MBOAT2: variants seen among roughly 807,000 people sequenced by gnomAD.
MBOAT2 encodes the protein membrane bound glycerophospholipid O-acyltransferase 2, also known as membrane-bound glycerophospholipid O-acyltransferase 2.
Under a neutral mutation model 63.4 loss-of-function variants are expected in MBOAT2, and 28 were observed. The observed-to-expected ratio is 0.44, with a 90% confidence interval of 0.33 to 0.61. The LOEUF (loss-of-function observed/expected upper bound fraction) is 0.61. Among genes scored for constraint, MBOAT2 ranks in the 20% least tolerant of loss-of-function variants. The probability of loss-of-function intolerance (pLI) is 0.03; values close to 1 mark genes in which losing one functional copy is unlikely to be tolerated. For missense variants in MBOAT2, 470 were observed against 605.8 expected (o/e 0.78, Z 2.35); for synonymous variants, 211 against 215.6 (o/e 0.98, Z 0.19).
intron 4 of MBOAT2, among the ~76,000 whole-genome samples, chr2:8,888,902 C>T (rs1663769265): frequency 6.6e-6 from 1 of 152,112 alleles, no homozygotes; most frequent in African/African-American, 2.4e-5. Flanking sequence ...AATAAAACCA[C>T]CAGGAAGGCT....
intron 3 of MBOAT2, among the ~76,000 whole-genome samples, chr2:8,937,055 T>C (rs1472937666): frequency 6.6e-6 from 1 of 152,202 alleles, no homozygotes; most frequent in Non-Finnish European, 1.5e-5. Flanking sequence ...TGTTCGGCCC[T>C]TCCCTCATTT....
At chr2:8,937,446 A>G (rs1268518609) in intron 3 of MBOAT2, among the ~76,000 whole-genome samples, 2 of 152,246 alleles carry the variant, frequency 1.3e-5, no homozygotes, top group Non-Finnish European at 2.9e-5. Context: ...GTCAATGAGG[A>G]CGAAACACAC....
chr2:8,987,070 C>A (rs1671621151), intron 1 of MBOAT2, among the ~76,000 whole-genome samples: 1 of 152,146 alleles, frequency 6.6e-6, no homozygotes, highest in African/African-American at 2.4e-5. Context: ...AGAGTTTAGT[C>A]AATAATAATT....
rs769501383 is a variant in MBOAT2 at position 8,862,081 on chromosome 2, G to T, written c.1185+509C>A. On this transcript the variant is annotated intron_variant, in intron 11 of 12. Coordinates refer to ENST00000305997, the MANE Select transcript of MBOAT2 (RefSeq NM_138799.4). The surrounding 1 kb of genome is among the most constrained non-coding windows in gnomAD (Gnocchi z 4.3). Reference sequence around the variant, plus strand: ...TTATCCTTCTCCTTATTTCTTTCATGTCACCAACCTAATTTCTCAATTGTT... The same window carrying T: ...TTATCCTTCTCCTTATTTCTTTCATTTCACCAACCTAATTTCTCAATTGTT... Among the ~76,000 whole-genome samples the T allele has an allele frequency of 1.5e-4, 23 of 152,058 alleles. No homozygotes were observed. The highest frequency in any genetic ancestry group is 2.9e-5 in the Non-Finnish European group (2 of 68,026).
chr2:8,982,088 G>A (rs1471428205), intron 1 of MBOAT2, among the ~76,000 whole-genome samples: 1 of 152,118 alleles, frequency 6.6e-6, no homozygotes, highest in Non-Finnish European at 1.5e-5. Flanking sequence ...TTTCCTCTCA[G>A]ATAGGCTGCT....
intron 2 of MBOAT2, among the ~76,000 whole-genome samples, chr2:8,945,705 A>C (rs1278004679): frequency 6.6e-6 from 1 of 152,196 alleles, no homozygotes; most frequent in Non-Finnish European, 1.5e-5. Context: ...CTTTTAAGCT[A>C]CCTAAAAAGT....
intron 4 of MBOAT2, among the ~76,000 whole-genome samples, chr2:8,898,877 C>A (rs932365335): frequency 3.9e-5 from 6 of 152,342 alleles, no homozygotes; most frequent in African/African-American, 1.2e-4. Context: ...TTGGGTACAA[C>A]TGGATATAGA....
intron 3 of MBOAT2, among the ~76,000 whole-genome samples, chr2:8,927,793 C>T (rs1667036825): frequency 6.6e-6 from 1 of 152,194 alleles, no homozygotes; most frequent in African/African-American, 2.4e-5. Context: ...GTCAGGCAGA[C>T]ATCCAAATGT....
intron 2 of MBOAT2, 122 bp downstream of exon 2, chr2:8,958,374 TG>T: frequency 1.1e-6 from 1 of 940,776 alleles, no homozygotes; most frequent in Non-Finnish European, 1.5e-6. Context: ...AAAGTTGGCC[TG>T]GAGAAAAAAC....
intron 4 of MBOAT2, among the ~76,000 whole-genome samples, chr2:8,891,491 T>C (rs1663996778): frequency 6.6e-6 from 1 of 152,212 alleles, no homozygotes; most frequent in Non-Finnish European, 1.5e-5. Context: ...AGTGCAATGG[T>C]GCACAGGGAG....
At chr2:8,941,475 A>T (rs557299604) in intron 3 of MBOAT2, among the ~76,000 whole-genome samples, 114 of 152,282 alleles carry the variant, frequency 7.5e-4, no homozygotes, top group African/African-American at 2.5e-3. Flanking sequence ...CAATGTAGCC[A>T]CTAGCCACAT....
At chr2:8,860,922 C>T (rs982395717) in intron 11 of MBOAT2, 158 bp from the exon 12 acceptor site, 10 of 573,764 alleles carry the variant, frequency 1.7e-5, no homozygotes, top group Non-Finnish European at 2.7e-5. Context: ...GGATAAAGTT[C>T]GTTCTAAAAA....
intron 7 of MBOAT2, 91 bp from the exon 8 acceptor site, chr2:8,873,391 G>C (rs1572934523): frequency 1.6e-6 from 2 of 1,287,844 alleles, no homozygotes; most frequent in East Asian, 2.5e-5. Flanking sequence ...TTCCTGAATG[G>C]ATCATCAGTC....
At chr2:8,887,303 T>C (rs16866847) in intron 5 of MBOAT2, among the ~76,000 whole-genome samples, 7,520 of 152,176 alleles carry the variant, frequency 0.049, 188 homozygotes, top group Middle Eastern at 0.058. Context: ...ATTTTGCTTG[T>C]TAGTAGCCAG....
At chr2:8,917,071 T>C (rs1666236206) in intron 3 of MBOAT2, among the ~76,000 whole-genome samples, 3 of 152,132 alleles carry the variant, frequency 2.0e-5, no homozygotes, top group Admixed American at 6.5e-5. Context: ...CAAATGAATA[T>C]ACATATAGAA....
At chr2:8,953,734 T>C (rs185622680) in intron 2 of MBOAT2, among the ~76,000 whole-genome samples, 6 of 152,362 alleles carry the variant, frequency 3.9e-5, no homozygotes, top group Non-Finnish European at 7.3e-5. Context: ...AAGCTTTCAA[T>C]TGTATTTTAA....
intron 3 of MBOAT2, among the ~76,000 whole-genome samples, chr2:8,924,618 C>T (rs997654326): frequency 6.6e-6 from 1 of 151,970 alleles, no homozygotes; most frequent in Non-Finnish European, 1.5e-5. Context: ...GACACTGATA[C>T]ATGAAGTCAC....
chr2:8,965,481 C>T (rs897959319), intron 1 of MBOAT2, among the ~76,000 whole-genome samples: 1 of 152,142 alleles, frequency 6.6e-6, no homozygotes, highest in Admixed American at 6.5e-5. Flanking sequence ...AAAGTTGAAC[C>T]TGATCTTATC....
At chr2:8,985,881 T>A (rs1485072370) in intron 1 of MBOAT2, among the ~76,000 whole-genome samples, 1 of 152,118 alleles carries the variant, frequency 6.6e-6, no homozygotes, top group African/African-American at 2.4e-5. Flanking sequence ...ATTCAAAGCA[T>A]CCACAGCTTA....
Sources: gnomAD v4.1 joint callset for allele counts (sites outside exome capture counted in the v4.1 genomes callset) on GRCh38, gnomAD v4.1.1 for gene constraint, Gnocchi (gnomAD v3.1) non-coding constraint, MANE v1.5 for transcripts, NCBI Gene and HGNC (gene_info 2026-07-23, HGNC 2026-07-21) for gene names.